RNF6: variants seen among roughly 807,000 people sequenced by gnomAD.
RNF6 encodes E3 ubiquitin-protein ligase RNF6.
A neutral mutation model predicts 50.1 loss-of-function variants in RNF6; 21 were observed. That is an observed-to-expected ratio of 0.42 (90% CI 0.30 to 0.60). The LOEUF (loss-of-function observed/expected upper bound fraction) is 0.60. Ranked by LOEUF, RNF6 falls within the 20% of genes least tolerant of loss-of-function variation. The pLI is 0.20. For synonymous variants in RNF6, 255 were observed against 291.8 expected, an observed-to-expected ratio of 0.87 and a Z score of 1.29; for missense variants, 698 against 838.2, an observed-to-expected ratio of 0.83 and a Z score of 2.07.
chr13:26,187,148 C>G (rs1873591877), intron 5 of RNF6, among the ~76,000 whole-genome samples: 1 of 64,654 alleles, frequency 1.5e-5, no homozygotes, highest in South Asian at 6.5e-4. Flanking sequence ...CTTCCTGTTT[C>G]TGCCATCAGT....
chr13:26,208,540 C>T (rs1472692144), downstream of RNF6, among the ~76,000 whole-genome samples: 1 of 152,202 alleles, frequency 6.6e-6, no homozygotes, highest in Non-Finnish European at 1.5e-5. Context: ...AATATCTTTT[C>T]CCTGTAATAA....
chr13:26,155,526 G>A (rs1435077809), intron 5 of RNF6, among the ~76,000 whole-genome samples: 1 of 152,194 alleles, frequency 6.6e-6, no homozygotes, highest in Non-Finnish European at 1.5e-5. Flanking sequence ...TATGAGTTAG[G>A]TATGGGTATA....
At chr13:26,206,911 C>T (rs1157960116) in intron 5 of RNF6, among the ~76,000 whole-genome samples, 1 of 127,866 alleles carries the variant, frequency 7.8e-6, no homozygotes, top group South Asian at 2.6e-4. Flanking sequence ...GGGCCCCTTC[C>T]TCCTTAAAAA....
At chr13:26,173,306 A>T (rs1216514645) in intron 5 of RNF6, among the ~76,000 whole-genome samples, 1 of 152,248 alleles carries the variant, frequency 6.6e-6, no homozygotes, top group Non-Finnish European at 1.5e-5. Flanking sequence ...GAAGTGGGAA[A>T]ACCTAAATAT....
At chr13:26,184,014 ATATATTTTTTTTTTT>A (rs1403704944) in intron 5 of RNF6, among the ~76,000 whole-genome samples, 49 of 57,996 alleles carry the variant, frequency 8.4e-4, no homozygotes, top group East Asian at 3.5e-3. Context: ...ATATATATAT[ATATATTTTTTTTTTT>A]TTTTTTTTTT....
intron 5 of RNF6, among the ~76,000 whole-genome samples, chr13:26,158,580 G>T (rs1413179461): frequency 6.6e-6 from 1 of 152,136 alleles, no homozygotes; most frequent in Non-Finnish European, 1.5e-5. Flanking sequence ...CTATCATATA[G>T]TCACTGAAAA....
At chr13:26,178,928 C>G (rs1873103826) in intron 5 of RNF6, among the ~76,000 whole-genome samples, 1 of 152,124 alleles carries the variant, frequency 6.6e-6, no homozygotes, top group Non-Finnish European at 1.5e-5. Context: ...GTATAATGTC[C>G]TCCAGATTCA....
intron 5 of RNF6, chr13:26,154,284 A>G (rs1022442697): frequency 2.0e-5 from 3 of 152,256 alleles, no homozygotes; most frequent in Non-Finnish European, 2.9e-5. Flanking sequence ...TAAGTAAAAC[A>G]TAGTTATAAA....
chr13:26,135,014 G>A (rs1270425573), intron 5 of RNF6, among the ~76,000 whole-genome samples: 3 of 152,018 alleles, frequency 2.0e-5, no homozygotes, highest in Non-Finnish European at 2.9e-5. Flanking sequence ...AAAATCAGAG[G>A]CTTTTTTACT....
chr13:26,203,163 G>A (rs921585592), intron 5 of RNF6, among the ~76,000 whole-genome samples: 5 of 152,166 alleles, frequency 3.3e-5, no homozygotes, highest in Non-Finnish European at 7.3e-5. Flanking sequence ...ATTACCTCTC[G>A]AGAGCATCCT....
At chr13:26,148,911 T>G (rs542937681) in intron 5 of RNF6, among the ~76,000 whole-genome samples, 1 of 151,702 alleles carries the variant, frequency 6.6e-6, no homozygotes, top group South Asian at 2.1e-4. Context: ...ATGTCCCAGT[T>G]TGAAGGCCAG....
At chr13:26,165,668 G>A (rs1385113807) in intron 5 of RNF6, among the ~76,000 whole-genome samples, 1 of 152,214 alleles carries the variant, frequency 6.6e-6, no homozygotes, top group African/African-American at 2.4e-5. Context: ...GTCAAAGGAA[G>A]CAGTTTTGGA....
intron 5 of RNF6, among the ~76,000 whole-genome samples, chr13:26,200,963 T>G (rs1566431296): frequency 6.6e-6 from 1 of 152,186 alleles, no homozygotes; most frequent in Non-Finnish European, 1.5e-5. Flanking sequence ...ACCATATGAT[T>G]CAGCAATTCT....
rs1263580430 is a variant in RNF6, at chr13:26,214,140, C to G, written c.1742G>C (p.Gly581Ala). Residue 581 changes from glycine to alanine, a missense_variant, in exon 5 of 5, where the codon GGA (glycine) becomes GCA (alanine). Physicochemically the swap from Gly to Ala is moderately conservative, Grantham distance 60 (BLOSUM62 0). Transcript: ENST00000381588. ...LRNPNNLVET[G>A]TLPILRLAHF... ...AGCAAGGCGAAGAATGGGTAGTGTT[C>G]CAGTTTCAACTAAATTGTTTGGATT... is the stretch of plus-strand genomic sequence containing the variant. The G allele has an allele frequency of 6.2e-7, 1 of 1,614,060 alleles. No individual in the cohort carries two copies. The highest frequency in any genetic ancestry group is 8.5e-7 in the Non-Finnish European group (1 of 1,180,036).
intron 5 of RNF6, among the ~76,000 whole-genome samples, chr13:26,194,239 C>T (rs1326266735): frequency 6.6e-6 from 1 of 151,968 alleles, no homozygotes; most frequent in Non-Finnish European, 1.5e-5. Flanking sequence ...TATGGTTTAG[C>T]CAAGTGAGTA....
chr13:26,172,765 G>C (rs1463889867), intron 5 of RNF6, among the ~76,000 whole-genome samples: 1 of 152,026 alleles, frequency 6.6e-6, no homozygotes, highest in African/African-American at 2.4e-5. Context: ...GGATGGTCTC[G>C]ATCTCCTGAC....
intron 5 of RNF6, among the ~76,000 whole-genome samples, chr13:26,198,662 TA>T (rs962752070): frequency 1.1e-4 from 17 of 151,640 alleles, no homozygotes; most frequent in African/African-American, 3.2e-4. Flanking sequence ...GTTAAAAAGT[TA>T]AAAAAAACCA....
At chr13:26,151,328 T>C (rs973958447) in intron 5 of RNF6, among the ~76,000 whole-genome samples, 7 of 152,236 alleles carry the variant, frequency 4.6e-5, no homozygotes, top group Middle Eastern at 3.4e-3. Context: ...AGTGGTGCTA[T>C]CTCAGCTCAC....
intron 5 of RNF6, among the ~76,000 whole-genome samples, chr13:26,153,014 G>A (rs1418449849): frequency 1.3e-5 from 2 of 152,082 alleles, no homozygotes; most frequent in Non-Finnish European, 2.9e-5. Flanking sequence ...TGCGCCGGGT[G>A]TGGTGGCACT....
Sources: allele counts gnomAD v4.1 joint callset (sites outside exome capture counted in the v4.1 genomes callset), GRCh38; gene constraint gnomAD v4.1.1; transcripts MANE v1.5; gene names NCBI Gene and HGNC (gene_info 2026-07-23, HGNC 2026-07-21).